SLC20A2: variants seen among roughly 807,000 people sequenced by gnomAD.
SLC20A2 encodes sodium-dependent phosphate transporter 2.
A neutral mutation model predicts 61.0 loss-of-function variants in SLC20A2; 30 were observed. That is an observed-to-expected ratio of 0.49 (90% CI 0.37 to 0.67). SLC20A2 has a LOEUF of 0.67. Among genes scored for constraint, SLC20A2 ranks in the 30% least tolerant of loss-of-function variants. SLC20A2 has a pLI of 0.00. For synonymous variants in SLC20A2, 351 were observed against 353.3 expected, an observed-to-expected ratio of 0.99 and a Z score of 0.07; for missense variants, 626 against 866.4, an observed-to-expected ratio of 0.72 and a Z score of 3.48.
chr8:42,525,319 C>A (rs990028024), intron 1 of SLC20A2, among the ~76,000 whole-genome samples: 7 of 152,268 alleles, frequency 4.6e-5, no homozygotes, highest in African/African-American at 1.7e-4. Flanking sequence ...CGGTGGCTCA[C>A]CCCTGTAATC....
intron 5 of SLC20A2, among the ~76,000 whole-genome samples, chr8:42,451,107 G>A (rs1746034822): frequency 6.6e-6 from 1 of 152,060 alleles, no homozygotes; most frequent in Non-Finnish European, 1.5e-5. Context: ...TGGTTTCCTA[G>A]AAACTGGATC....
intron 10 of SLC20A2, among the ~76,000 whole-genome samples, chr8:42,428,047 G>A (rs1464207595): frequency 6.6e-6 from 1 of 152,176 alleles, no homozygotes; most frequent in Non-Finnish European, 1.5e-5. Flanking sequence ...GCAGAGTTGG[G>A]TGATGAGACC....
chr8:42,430,757 T>C (rs921703637), intron 8 of SLC20A2, among the ~76,000 whole-genome samples: 3 of 152,254 alleles, frequency 2.0e-5, no homozygotes, highest in African/African-American at 7.2e-5. Context: ...GCTCACGTCA[T>C]GTCTCTGTGT....
chr8:42,476,332 T>G (rs1463293854), intron 1 of SLC20A2, among the ~76,000 whole-genome samples: 2 of 152,088 alleles, frequency 1.3e-5, no homozygotes, highest in Admixed American at 6.5e-5. Flanking sequence ...CTCAATCTGC[T>G]GACCTCGTGA....
intron 1 of SLC20A2, among the ~76,000 whole-genome samples, chr8:42,485,457 C>G (rs979878093): frequency 1.3e-5 from 2 of 151,376 alleles, no homozygotes; most frequent in African/African-American, 2.4e-5. Flanking sequence ...GCCTGGCCAA[C>G]ATGGTGAAAC....
chr8:42,470,873 G>T (rs1231376797), intron 2 of SLC20A2, among the ~76,000 whole-genome samples: 1 of 151,550 alleles, frequency 6.6e-6, no homozygotes, highest in Non-Finnish European at 1.5e-5. Flanking sequence ...ACTCCGGAGG[G>T]TGAGGTGAGA....
In SLC20A2 at chr8:42,417,810, T is replaced by C; in HGVS notation, c.1952A>G (p.Tyr651Cys). The change falls in exon 11 of 11, where the codon TAT (tyrosine) becomes TGT (cysteine). Residue 651 changes from tyrosine to cysteine, a missense_variant. Tyr to Cys is a radical substitution (Grantham distance 194). Around this residue, in one of 3 missense-constraint regions of SLC20A2, gnomAD observed 138 missense variants for 228.7 expected, o/e 0.60. Coordinates refer to ENST00000520262, the MANE Select transcript of SLC20A2 (RefSeq NM_001257180.2). ...MALLMYGILP[Y>C]V ...CAGCTGGAAGAAGACAAATCACACA[T>C]ATGGAAGGATCCCATACATGAGAAG... The C allele has an allele frequency of 1.2e-6, 2 of 1,613,790 alleles. No homozygotes were observed. Among genetic ancestry groups the C allele is most frequent in the African/African-American group, 1.3e-5 (1 of 74,932 alleles).
intron 5 of SLC20A2, among the ~76,000 whole-genome samples, chr8:42,453,089 C>T (rs1434322064): frequency 6.6e-6 from 1 of 152,204 alleles, no homozygotes; most frequent in East Asian, 1.9e-4. Flanking sequence ...TATTGCTGGC[C>T]AGGGACCACA....
At chr8:42,478,766 C>G (rs1808351535) in intron 1 of SLC20A2, among the ~76,000 whole-genome samples, 2 of 151,866 alleles carry the variant, frequency 1.3e-5, no homozygotes, top group Admixed American at 6.6e-5. Context: ...AGAAAAAATG[C>G]TGGTCATAAA....
Position 42,510,902 on chromosome 8 carries a change from T to G in SLC20A2, c.-265+30919A>C, listed in dbSNP as rs571173000. 3.2e-4 allele frequency among the ~76,000 whole-genome samples: 49 copies of G among 151,832 alleles called. No homozygotes were observed. In the South Asian group the frequency reaches 9.7e-3, roughly 30 times the overall value. On this transcript the variant is annotated intron_variant, in intron 1 of 10. Coordinates refer to the SLC20A2 transcript ENST00000342228. ...TGGATTTTTTAAAAAAAAGAAAATA[T>G]ACATATAATATATATATTTTATATG...
At chr8:42,510,686 G>C (rs955359375) in intron 1 of SLC20A2, among the ~76,000 whole-genome samples, 1 of 151,878 alleles carries the variant, frequency 6.6e-6, no homozygotes. Context: ...ATATTCCTGG[G>C]TTCAGTCAAA....
chr8:42,467,293 T>G (rs1807250656), intron 2 of SLC20A2, among the ~76,000 whole-genome samples: 2 of 152,242 alleles, frequency 1.3e-5, no homozygotes, highest in South Asian at 4.1e-4. Flanking sequence ...TTACCTCAAT[T>G]TCACCAACTC....
chr8:42,433,542 CTT>C (rs1307846479), intron 8 of SLC20A2, among the ~76,000 whole-genome samples: 2 of 152,156 alleles, frequency 1.3e-5, no homozygotes, highest in South Asian at 2.1e-4. Context: ...TCAGGATGGT[CTT>C]GATCTCCTGA....
intron 1 of SLC20A2, among the ~76,000 whole-genome samples, chr8:42,538,974 G>C (rs897339826): frequency 1.3e-5 from 2 of 152,156 alleles, no homozygotes; most frequent in Non-Finnish European, 2.9e-5. Flanking sequence ...GAGGTCAGGA[G>C]ATCGAGACCA....
At chr8:42,419,995 G>C (rs1432906693) in intron 10 of SLC20A2, among the ~76,000 whole-genome samples, 1 of 152,098 alleles carries the variant, frequency 6.6e-6, no homozygotes, top group Admixed American at 6.6e-5. Context: ...GACCATGCTG[G>C]CTAACAGGGT....
At chr8:42,451,876 A>G (rs1323476607) in intron 5 of SLC20A2, among the ~76,000 whole-genome samples, 1 of 124,922 alleles carries the variant, frequency 8.0e-6, no homozygotes, top group Non-Finnish European at 1.7e-5. Context: ...TGGAGGAGGA[A>G]GAGGAAGAGA....
chr8:42,475,576 A>G (rs1563501601), intron 1 of SLC20A2, among the ~76,000 whole-genome samples: 1 of 151,274 alleles, frequency 6.6e-6, no homozygotes, highest in East Asian at 2.0e-4. Flanking sequence ...TGCCCGGCTA[A>G]TTTTTTTGTA....
intron 1 of SLC20A2, among the ~76,000 whole-genome samples, chr8:42,509,240 G>A (rs1167737036): frequency 6.6e-6 from 1 of 152,184 alleles, no homozygotes; most frequent in African/African-American, 2.4e-5. Context: ...TGTAGAAAAT[G>A]CTAAACACAC....
intron 2 of SLC20A2, among the ~76,000 whole-genome samples, chr8:42,469,927 CAA>C (rs781431507): frequency 1.4e-4 from 14 of 100,768 alleles, no homozygotes; most frequent in Admixed American, 2.1e-4. Context: ...GATTCCGTCT[CAA>C]AAAAAAAAAA....
Sources: allele counts gnomAD v4.1 joint callset (sites outside exome capture counted in the v4.1 genomes callset), GRCh38; gene constraint gnomAD v4.1.1; regional missense constraint gnomAD v4.1.1; transcripts MANE v1.5; gene names NCBI Gene and HGNC (gene_info 2026-07-23, HGNC 2026-07-21).